Variants in NRXN3 observed in about 807,000 individuals in gnomAD.
NRXN3 encodes neurexin III.
In NRXN3, 32 loss-of-function variants were observed where a neutral mutation model predicts 137.6. The observed-to-expected ratio is 0.23, with a 90% CI of 0.18 to 0.31. The LOEUF is 0.31. Among genes scored for constraint, NRXN3 ranks in the 10% least tolerant of loss-of-function variants. The probability of loss-of-function intolerance (pLI) is 1.00; values close to 1 mark genes in which losing one functional copy is unlikely to be tolerated. For missense variants in NRXN3, 1,574 were observed against 2,062.5 expected, an observed-to-expected ratio of 0.76 and a Z score of 4.59; for synonymous variants, 798 against 784.5, an observed-to-expected ratio of 1.02 and a Z score of -0.29.
At chr14:79,315,655 A>G (rs1378512148) in intron 15 of NRXN3, among the ~76,000 whole-genome samples, 1 of 152,216 alleles carries the variant, frequency 6.6e-6, no homozygotes, top group Non-Finnish European at 1.5e-5. Flanking sequence ...CAAGCCAGGC[A>G]AAACTTATGT....
intron 8 of NRXN3, among the ~76,000 whole-genome samples, chr14:78,742,424 A>G (rs991902566): frequency 6.6e-6 from 1 of 152,254 alleles, no homozygotes; most frequent in African/African-American, 2.4e-5. Flanking sequence ...TTCAGAAGCT[A>G]GAGAATGTAA....
intron 16 of NRXN3, among the ~76,000 whole-genome samples, chr14:79,498,273 G>T (rs1408592650): frequency 2.6e-5 from 4 of 152,112 alleles, no homozygotes; most frequent in African/African-American, 9.7e-5. Context: ...TGTTATTATT[G>T]CACATTGGGT....
At chr14:79,559,665 T>C (rs920489902) in intron 16 of NRXN3, among the ~76,000 whole-genome samples, 2 of 151,678 alleles carry the variant, frequency 1.3e-5, no homozygotes, top group South Asian at 2.1e-4. Flanking sequence ...AAAAAAATAG[T>C]GTGGATAGAT....
chr14:78,172,556 G>A (rs185850148), intron 1 of NRXN3, among the ~76,000 whole-genome samples: 1 of 151,958 alleles, frequency 6.6e-6, no homozygotes, highest in East Asian at 1.9e-4. Context: ...TATTCCTATT[G>A]TTTGATTTTT....
intron 15 of NRXN3, among the ~76,000 whole-genome samples, chr14:79,052,606 ACTGC>A (rs761831300): frequency 1.3e-5 from 2 of 152,210 alleles, no homozygotes; most frequent in East Asian, 3.9e-4. Flanking sequence ...GAGCTTTCTC[ACTGC>A]CAAATGGCGT....
At chr14:79,688,153 T>C (rs1213709240) in intron 17 of NRXN3, among the ~76,000 whole-genome samples, 1 of 151,298 alleles carries the variant, frequency 6.6e-6, no homozygotes, top group Non-Finnish European at 1.5e-5. Flanking sequence ...ACTAATGAGC[T>C]TCCTTCTGAT....
At chr14:79,054,076 C>T (rs555652264) in intron 15 of NRXN3, among the ~76,000 whole-genome samples, 84 of 148,134 alleles carry the variant, frequency 5.7e-4, no homozygotes, top group African/African-American at 2.0e-3. Flanking sequence ...AACCAAACAC[C>T]GCATGTTCTC....
intron 15 of NRXN3, among the ~76,000 whole-genome samples, chr14:79,137,571 C>T (rs745761860): frequency 3.9e-5 from 6 of 152,134 alleles, no homozygotes; most frequent in Non-Finnish European, 8.8e-5. Context: ...TAAATTGAGT[C>T]TAATAAAATA....
chr14:79,081,321 A>G (rs566176595), intron 15 of NRXN3, among the ~76,000 whole-genome samples: 2 of 152,330 alleles, frequency 1.3e-5, no homozygotes, highest in East Asian at 1.9e-4. Flanking sequence ...GTGAGAAAAG[A>G]TATGATGTGT....
At chr14:78,815,475 C>CTTTATTTTTTTTTTT (rs1555508793) in intron 10 of NRXN3, among the ~76,000 whole-genome samples, 1 of 43,368 alleles carries the variant, frequency 2.3e-5, no homozygotes, top group African/African-American at 7.6e-5. Context: ...TAATTTGTTT[C>CTTTATTTTTTTTTTT]TTTCTTTTTT....
intron 16 of NRXN3, among the ~76,000 whole-genome samples, chr14:79,654,305 CCTTAAATTAAA>C (rs1276395257): frequency 2.6e-5 from 4 of 151,210 alleles, no homozygotes; most frequent in African/African-American, 7.3e-5. Context: ...TCATAGGTGA[CCTTAAATTAAA>C]CTTAAATTAA....
At chr14:79,718,103 C>T (rs1165264986) in intron 19 of NRXN3, among the ~76,000 whole-genome samples, 1 of 152,074 alleles carries the variant, frequency 6.6e-6, no homozygotes, top group South Asian at 2.1e-4. Context: ...AGAAAATAAA[C>T]CTGCGCAATG....
At chr14:78,835,539 T>G (rs1235979609) in intron 10 of NRXN3, among the ~76,000 whole-genome samples, 3 of 152,170 alleles carry the variant, frequency 2.0e-5, no homozygotes, top group Non-Finnish European at 4.4e-5. Flanking sequence ...AGTTTCTTTT[T>G]GTCCCTATCT....
At chr14:79,462,450 C>T (rs2096357647) in intron 15 of NRXN3, among the ~76,000 whole-genome samples, 1 of 150,926 alleles carries the variant, frequency 6.6e-6, no homozygotes, top group African/African-American at 2.4e-5. Context: ...AAAACTTGTT[C>T]CATTTTAACA....
chr14:79,650,452 C>G (rs895649476), intron 16 of NRXN3, among the ~76,000 whole-genome samples: 2 of 152,132 alleles, frequency 1.3e-5, no homozygotes, highest in Non-Finnish European at 2.9e-5. Flanking sequence ...TAATCTCCAT[C>G]ATCACCCAAC....
At chr14:79,144,858 C>G (rs1469777532) in intron 15 of NRXN3, among the ~76,000 whole-genome samples, 1 of 151,628 alleles carries the variant, frequency 6.6e-6, no homozygotes, top group Non-Finnish European at 1.5e-5. Flanking sequence ...TCATTCTCTC[C>G]TCTTTCTTTC....
intron 15 of NRXN3, among the ~76,000 whole-genome samples, chr14:79,320,395 G>A (rs1043561629): frequency 1.3e-5 from 2 of 152,204 alleles, no homozygotes; most frequent in Admixed American, 6.5e-5. Flanking sequence ...AGGGCCTCAT[G>A]TGTTGCTGGT....
rs538989471 is a variant in NRXN3, at chr14:79,866,300, G to A, written c.*4336G>A. The A allele has an allele frequency of 6.6e-6, 1 of 152,246 alleles. No homozygotes were observed. The highest frequency in any genetic ancestry group is 1.9e-4 in the East Asian group (1 of 5,178). 9.4% of individuals were successfully genotyped at this position (152,246 alleles called of 1,614,324 possible). A position where few individuals can be genotyped will look rare whatever the true frequency, so the allele number is the denominator to read the frequency against. ...ATGATTATGGGATATTAAATTGAGA[G>A]CCTTGGGAGCTTATCATCTAGTAAA... On this transcript the variant is annotated 3_prime_UTR_variant, in exon 21 of 21. Transcript: ENST00000335750.
At chr14:79,670,177 A>G (rs972965391) in intron 17 of NRXN3, among the ~76,000 whole-genome samples, 2 of 152,224 alleles carry the variant, frequency 1.3e-5, no homozygotes, top group African/African-American at 4.8e-5. Context: ...GTGCAGGACT[A>G]CAATATGCCA....
Sources: allele counts gnomAD v4.1 joint callset (sites outside exome capture counted in the v4.1 genomes callset), GRCh38; gene constraint gnomAD v4.1.1; transcripts MANE v1.5; gene names NCBI Gene and HGNC (gene_info 2026-07-23, HGNC 2026-07-21).